The following PDE11A variants were observed in gnomAD, a reference collection of about 807,000 sequenced individuals.
The protein encoded by PDE11A is dual 3',5'-cyclic-AMP and -GMP phosphodiesterase 11A.
A neutral mutation model predicts 100.5 loss-of-function variants in PDE11A; 100 were observed. That is an observed-to-expected ratio of 1.00 (90% CI 0.85 to 1.18). PDE11A has a LOEUF of 1.18. Among genes scored for constraint, PDE11A ranks in the 50% most tolerant of loss-of-function variants. The pLI is 0.00. For missense variants in PDE11A, 1,141 were observed against 1,152.6 expected (o/e 0.99, Z 0.15); for synonymous variants, 381 against 420.8 (o/e 0.91, Z 1.16).
chr2:178,053,228 A>G (rs954663174), intron 1 of PDE11A, among the ~76,000 whole-genome samples: 2 of 152,180 alleles, frequency 1.3e-5, no homozygotes, highest in African/African-American at 2.4e-5. Context: ...ATCAATAAAC[A>G]TAATCCATCA....
At chr2:177,697,457 C>T in intron 14 of PDE11A, 25 bp from the exon 15 acceptor site, 1 of 1,079,284 alleles carries the variant, frequency 9.3e-7, no homozygotes, top group South Asian at 1.2e-5. Context: ...TAAAAAGTCA[C>T]AAAAGACATT....
chr2:177,960,249 C>T (rs1164921536), intron 2 of PDE11A, among the ~76,000 whole-genome samples: 2 of 151,750 alleles, frequency 1.3e-5, no homozygotes, highest in African/African-American at 2.4e-5. Flanking sequence ...GTAGTAGAGA[C>T]GGGGGCCCAA....
intron 9 of PDE11A, among the ~76,000 whole-genome samples, chr2:177,809,723 T>C (rs1486183000): frequency 1.7e-5 from 1 of 57,390 alleles, no homozygotes; most frequent in East Asian, 4.1e-4. Context: ...TCAGAGACAA[T>C]TTAACATCTG....
intron 19 of PDE11A, among the ~76,000 whole-genome samples, chr2:177,630,116 A>T (rs1195803242): frequency 6.6e-6 from 1 of 152,228 alleles, no homozygotes; most frequent in Admixed American, 6.5e-5. Context: ...GGAAACATGC[A>T]TGGAAATAGA....
intron 13 of PDE11A, among the ~76,000 whole-genome samples, chr2:177,705,577 G>C (rs2081266150): frequency 6.6e-6 from 1 of 152,154 alleles, no homozygotes; most frequent in Admixed American, 6.6e-5. Flanking sequence ...ATAGGCATTT[G>C]GCACTTTGCA....
chr2:177,967,297 A>G (rs2085711966), intron 2 of PDE11A, among the ~76,000 whole-genome samples: 2 of 150,082 alleles, frequency 1.3e-5, no homozygotes, highest in Admixed American at 1.3e-4. Context: ...CCTGGGTTCA[A>G]GTGATTCTCC....
rs991192371 is a variant in PDE11A at position 177,700,354 on chromosome 2, G to C, written c.2244+767C>G. Among the ~76,000 whole-genome samples, 4 of 150,560 alleles carry C rather than the reference G, an allele frequency of 2.7e-5. No homozygotes were observed. The East Asian group carries it at 7.8e-4, about 29-fold the overall frequency. On this transcript the variant is annotated intron_variant, in intron 14 of 19. Transcript: ENST00000286063. ...AATAATAATAATAATTAATGGCACA[G>C]CTAGAGAACTGACAAATAATGGGGA...
chr2:177,971,631 T>C (rs1219118755), intron 2 of PDE11A, among the ~76,000 whole-genome samples: 3 of 152,132 alleles, frequency 2.0e-5, no homozygotes, highest in Non-Finnish European at 4.4e-5. Context: ...ATCCACTGTC[T>C]AGACAGAGAG....
intron 19 of PDE11A, among the ~76,000 whole-genome samples, chr2:177,653,268 A>G (rs948683485): frequency 2.6e-5 from 4 of 152,200 alleles, no homozygotes; most frequent in African/African-American, 9.6e-5. Context: ...GATTTCAGCC[A>G]TGGATTCTCT....
At chr2:177,637,695 G>C (rs982322383) in intron 19 of PDE11A, among the ~76,000 whole-genome samples, 39 of 150,494 alleles carry the variant, frequency 2.6e-4, no homozygotes, top group African/African-American at 9.3e-4. Context: ...CCTGTCTTCA[G>C]CTATGTTTTA....
chr2:177,800,320 C>T (rs2082772288), intron 9 of PDE11A, among the ~76,000 whole-genome samples: 1 of 152,020 alleles, frequency 6.6e-6, no homozygotes. Flanking sequence ...TAGGTGCATG[C>T]CACCATGCCT....
chr2:177,708,467 T>C (rs2081312341), intron 13 of PDE11A, among the ~76,000 whole-genome samples: 1 of 152,236 alleles, frequency 6.6e-6, no homozygotes, highest in African/African-American at 2.4e-5. Flanking sequence ...AAACAATAGA[T>C]ACTGGGGTCT....
At chr2:177,652,634 T>C (rs890544270) in intron 19 of PDE11A, among the ~76,000 whole-genome samples, 2 of 151,996 alleles carry the variant, frequency 1.3e-5, no homozygotes, top group Non-Finnish European at 2.9e-5. Context: ...CGCATGAGAC[T>C]GGGATCAGAG....
intron 9 of PDE11A, among the ~76,000 whole-genome samples, chr2:177,785,718 C>A (rs1255782624): frequency 6.6e-6 from 1 of 152,168 alleles, no homozygotes; most frequent in Admixed American, 6.5e-5. Context: ...TAAAAAACGG[C>A]GCACCAGGAG....
intron 2 of PDE11A, among the ~76,000 whole-genome samples, chr2:178,006,249 A>T (rs1173106400): frequency 6.6e-6 from 1 of 152,244 alleles, no homozygotes; most frequent in African/African-American, 2.4e-5. Flanking sequence ...AAATGTTAGG[A>T]AACACTGTTA....
At chr2:177,700,966 G>A in intron 14 of PDE11A, 155 bp downstream of exon 14, 1 of 697,266 alleles carries the variant, frequency 1.4e-6, no homozygotes, top group Non-Finnish European at 2.7e-6. Context: ...GGCATCTATA[G>A]GAACAGAAAA....
intron 9 of PDE11A, among the ~76,000 whole-genome samples, chr2:177,794,900 C>A (rs2082683962): frequency 6.6e-6 from 1 of 152,170 alleles, no homozygotes; most frequent in Admixed American, 6.5e-5. Context: ...ATTCTCCTGC[C>A]TCAATCTCCC....
intron 12 of PDE11A, among the ~76,000 whole-genome samples, chr2:177,720,186 G>A (rs533203439): frequency 3.7e-4 from 56 of 152,196 alleles, no homozygotes; most frequent in African/African-American, 1.2e-3. Context: ...ATAGATCCTA[G>A]GGGCAGCCTA....
chr2:178,056,026 GA>G (rs927440629), intron 1 of PDE11A, among the ~76,000 whole-genome samples: 3 of 150,552 alleles, frequency 2.0e-5, no homozygotes, highest in Middle Eastern at 3.2e-3. Context: ...TTTTAGTCAA[GA>G]AAAAAAAAGC....
Sources: allele counts gnomAD v4.1 joint callset (sites outside exome capture counted in the v4.1 genomes callset), GRCh38; gene constraint gnomAD v4.1.1; transcripts MANE v1.5; gene names NCBI Gene and HGNC (gene_info 2026-07-23, HGNC 2026-07-21).